LPO: variants seen among roughly 807,000 people sequenced by gnomAD.
LPO encodes lactoperoxidase.
LPO carries 70 observed loss-of-function variants against 68.4 expected under a neutral mutation model. The observed-to-expected ratio is 1.02, with a 90% confidence interval of 0.84 to 1.25. The LOEUF is 1.25. LPO is among the 50% of genes most tolerant of loss of function. LPO has a pLI of 0.00. For synonymous variants in LPO, 360 were observed against 357.6 expected (o/e 1.01, Z -0.08); for missense variants, 873 against 908.4 (o/e 0.96, Z 0.50).
At chr17:58,251,833 C>G in intron 7 of LPO, 1 of 561,266 alleles carries the variant, frequency 1.8e-6, no homozygotes, top group Non-Finnish European at 3.5e-6. Flanking sequence ...AAAATAAATA[C>G]ATGGCAGCTG....
intron 11 of LPO, among the ~76,000 whole-genome samples, chr17:58,266,614 T>C (rs1970272494): frequency 6.6e-6 from 1 of 151,986 alleles, no homozygotes. Context: ...GTGTGCCACA[T>C]GCCCAGCTTA....
intron 3 of LPO, 113 bp from the exon 4 acceptor site, chr17:58,247,365 C>A: frequency 1.2e-6 from 1 of 861,602 alleles, no homozygotes; most frequent in Admixed American, 2.7e-5. Context: ...TTGGACAGTG[C>A]AGCAGCTGGG....
chr17:58,239,531 T>C (rs1567814731), intron 1 of LPO, among the ~76,000 whole-genome samples: 1 of 151,828 alleles, frequency 6.6e-6, no homozygotes, highest in Non-Finnish European at 1.5e-5. Flanking sequence ...ATCAAGAGAG[T>C]GTTCCTGCAG....
chr17:58,268,046 C>T lies in LPO; in HGVS notation c.*52C>T. ...CTTTGGTCCACAGGGCCATTTCAAGCAAGTTCAATGACCTGGTCCCTTAGA... is the reference window on the plus strand; with the variant it reads ...CTTTGGTCCACAGGGCCATTTCAAGTAAGTTCAATGACCTGGTCCCTTAGA... On this transcript the variant is annotated 3_prime_UTR_variant, in exon 13 of 13. Transcript: ENST00000262290. The T allele has an allele frequency of 1.3e-6, 2 of 1,570,594 alleles. No individual in the cohort carries two copies. Among genetic ancestry groups the T allele is most frequent in the South Asian group, 1.1e-5 (1 of 89,916 alleles).
At chr17:58,249,240 CT>C in intron 5 of LPO, 63 bp downstream of exon 5, 1 of 1,459,264 alleles carries the variant, frequency 6.9e-7, no homozygotes. Context: ...CTGCCAAGGC[CT>C]TTGTCCCTTG....
Position 58,247,585 on chromosome 17 carries a change from G to C in LPO, c.272G>C (p.Trp91Ser), listed in dbSNP as rs1567817213. The C allele has an allele frequency of 1.2e-6, 2 of 1,614,184 alleles. No individual in the cohort carries two copies. Among genetic ancestry groups the C allele is most frequent in the Non-Finnish European group, 1.7e-6 (2 of 1,180,038 alleles). ...ACAGCCATCCGCAATGGACAGGTGT[G>C]GGAGGAGTCTTTAAAGAGACTGAGG... ...TRTAIRNGQV[W>S]EESLKRLRQK... The change falls in exon 4 of 13, where the codon TGG becomes TCG. Residue 91 changes from tryptophan (W) to serine (S), a missense_variant. Physicochemically the swap from Trp to Ser is radical, Grantham distance 177. Coordinates refer to ENST00000262290, the MANE Select transcript of LPO (RefSeq NM_006151.3).
At position 58,267,578 on chromosome 17, in the gene LPO, T is replaced by A; in HGVS notation, c.1923T>A (p.Asp641Glu). 5 of 1,608,754 alleles carry A rather than the reference T, an allele frequency of 3.1e-6. No homozygotes were observed. The highest frequency in any genetic ancestry group is 4.3e-6 in the Non-Finnish European group (5 of 1,176,436). The change falls in exon 12 of 13, where the codon GAT (aspartate) becomes GAA (glutamate). Residue 641 changes from aspartate (D) to glutamate (E), a missense_variant. Coordinates refer to ENST00000262290, the MANE Select transcript of LPO (RefSeq NM_006151.3). ...GCAAGCAGTTCCAGCAGATCCGTGA[T>A]GGAGACAGGCAAGTGCGTCCTCAGC... The part of the protein sequence containing the change: ...LLGKQFQQIR[D>E]GDRFWWENPG...
chr17:58,266,343 T>A lies in LPO; in HGVS notation c.1693+17T>A. The A allele has an allele frequency of 6.2e-7, 1 of 1,610,688 alleles. No individual in the cohort carries two copies. Among genetic ancestry groups the A allele is most frequent in the Non-Finnish European group, 8.5e-7 (1 of 1,178,356 alleles). On this transcript the variant is annotated intron_variant, in intron 11 of 12. Coordinates refer to ENST00000262290, the MANE Select transcript of LPO (RefSeq NM_006151.3). The stretch of plus-strand genomic sequence containing the variant: ...GGCAACCTGGTGAGTGTCTGAAGTC[T>A]GGCCTGCACTGGGGAAATTTTAGCT...
intron 1 of LPO, among the ~76,000 whole-genome samples, chr17:58,239,891 C>A (rs1256724364): frequency 3.3e-5 from 5 of 152,148 alleles, no homozygotes; most frequent in African/African-American, 1.2e-4. Context: ...TCTGCCCTCT[C>A]CCTCTGCAAC....
chr17:58,256,673 G>A (rs936550846), intron 9 of LPO, among the ~76,000 whole-genome samples: 6 of 151,874 alleles, frequency 4.0e-5, no homozygotes, highest in Admixed American at 1.3e-4. Context: ...AATTAGCTGG[G>A]TGTGGTGGCA....
intron 12 of LPO, 23 bp from the exon 13 acceptor site, chr17:58,267,763 GT>G: frequency 6.2e-7 from 1 of 1,607,452 alleles, no homozygotes; most frequent in East Asian, 2.2e-5. Context: ...AGACTGTGGA[GT>G]GACTCTACTT....
intron 8 of LPO, among the ~76,000 whole-genome samples, chr17:58,252,762 G>A (rs954772472): frequency 6.6e-6 from 1 of 150,466 alleles, no homozygotes; most frequent in Non-Finnish European, 1.5e-5. Context: ...GGTGGCTCAC[G>A]CCTGTAATCC....
In LPO at chr17:58,252,397, C is replaced by A; in HGVS notation, c.996C>A (p.Val332=). The A allele has an allele frequency of 6.2e-7, 1 of 1,614,204 alleles. No homozygotes were observed. ...NLSSPLGLMA[V]NQEVSDHGLP... is the part of the protein sequence containing the mutation. ...GCAGCCCCCTGGGCCTCATGGCTGT[C>A]AACCAGGAGGTCTCAGACCATGGAC... is the stretch of plus-strand genomic sequence containing the variant. Residue 332 remains valine, a synonymous_variant, in exon 8 of 13, where the codon GTC becomes GTA. Transcript: ENST00000262290.
intron 3 of LPO, among the ~76,000 whole-genome samples, chr17:58,246,929 CTG>C (rs1053158270): frequency 6.6e-6 from 1 of 152,168 alleles, no homozygotes; most frequent in African/African-American, 2.4e-5. Flanking sequence ...AATAAGGAAA[CTG>C]AGTACAAAGA....
At chr17:58,252,545 G>T in intron 8 of LPO, 39 bp downstream of exon 8, 1 of 1,577,994 alleles carries the variant, frequency 6.3e-7, no homozygotes, top group Non-Finnish European at 8.6e-7. Context: ...CAAGGACAAG[G>T]GGATTATCCA....
intron 5 of LPO, 172 bp from the exon 6 acceptor site, chr17:58,249,394 G>A (rs1969913321): frequency 1.8e-6 from 2 of 1,104,340 alleles, no homozygotes; most frequent in East Asian, 2.6e-5. Context: ...CCCGGGGCGG[G>A]GGAGCCCCGC....
At chr17:58,264,696 T>G (rs749690235) in intron 9 of LPO, 26 bp from the exon 10 acceptor site, 1 of 1,612,438 alleles carries the variant, frequency 6.2e-7, no homozygotes, top group South Asian at 1.1e-5. Context: ...TTACACCCTT[T>G]CCTCTTGATT....
At chr17:58,247,356 T>C in intron 3 of LPO, 122 bp from the exon 4 acceptor site, 2 of 773,220 alleles carry the variant, frequency 2.6e-6, no homozygotes, top group Admixed American at 2.9e-5. Flanking sequence ...GCTACTGTAT[T>C]GGACAGTGCA....
In LPO at chr17:58,250,418, C is replaced by A. The variant is rs145266879; in HGVS notation, c.577C>A (p.Arg193=). Residue 193 remains arginine, a synonymous_variant, in exon 7 of 13, where the codon CGG becomes AGG. Transcript: ENST00000262290. ...CCCCTTCTCTCTCCATCTGTAGGCC[C>A]GGGAGGTATCTAACAAGATTGTTGG... The part of the protein sequence containing the change: ...TRNGFPLPLA[R]EVSNKIVGYL... 41 of 1,613,856 alleles carry A rather than the reference C, an allele frequency of 2.5e-5. No homozygotes were observed. In the African/African-American group the frequency reaches 5.2e-4, roughly 20 times the overall value.
Sources: allele counts gnomAD v4.1 joint callset (sites outside exome capture counted in the v4.1 genomes callset), GRCh38; gene constraint gnomAD v4.1.1; transcripts MANE v1.5; gene names NCBI Gene and HGNC (gene_info 2026-07-23, HGNC 2026-07-21).